CFAP44: variants seen among roughly 807,000 people sequenced by gnomAD.
CFAP44 encodes the protein cilia- and flagella-associated protein 44.
In CFAP44, 134 loss-of-function variants were observed where a neutral mutation model predicts 216.2. That is an observed-to-expected ratio of 0.62 (90% CI 0.54 to 0.72). The LOEUF is 0.72. Ranked by LOEUF, CFAP44 falls within the 30% of genes least tolerant of loss-of-function variation. The probability of loss-of-function intolerance (pLI) is 0.00; values close to 1 mark genes in which losing one functional copy is unlikely to be tolerated. For synonymous variants in CFAP44, 700 were observed against 727.6 expected (o/e 0.96, Z 0.61); for missense variants, 2,035 against 2,182.1 (o/e 0.93, Z 1.34).
chr3:113,304,948 C>T, intron 31 of CFAP44, 88 bp downstream of exon 31: 1 of 1,163,886 alleles, frequency 8.6e-7, no homozygotes, highest in Non-Finnish European at 1.2e-6. Context: ...CGATTCTCCC[C>T]ATTAGTGAAC....
At chr3:113,295,341 C>A (rs1421448492) in intron 33 of CFAP44, among the ~76,000 whole-genome samples, 1 of 152,234 alleles carries the variant, frequency 6.6e-6, no homozygotes, top group Non-Finnish European at 1.5e-5. Flanking sequence ...GCTGGGACTA[C>A]TGGTGTGCAA....
chr3:113,399,837 C>A, intron 13 of CFAP44, 69 bp downstream of exon 13: 1 of 1,053,368 alleles, frequency 9.5e-7, no homozygotes, highest in South Asian at 2.5e-5. Flanking sequence ...ATCTATATTT[C>A]CAGAAAATAG....
intron 4 of CFAP44, among the ~76,000 whole-genome samples, chr3:113,422,496 G>T (rs940481018): frequency 6.6e-6 from 1 of 151,950 alleles, no homozygotes; most frequent in African/African-American, 2.4e-5. Flanking sequence ...AGCATTTCAG[G>T]GTACTGGATC....
chr3:113,376,090 T>A (rs1040991817), intron 17 of CFAP44, among the ~76,000 whole-genome samples: 1 of 152,192 alleles, frequency 6.6e-6, no homozygotes, highest in Non-Finnish European at 1.5e-5. Flanking sequence ...AATATAATCC[T>A]ATAGGATTCT....
intron 24 of CFAP44, among the ~76,000 whole-genome samples, chr3:113,334,504 C>A (rs1253338569): frequency 6.6e-6 from 1 of 151,984 alleles, no homozygotes; most frequent in African/African-American, 2.4e-5. Context: ...ATGAATAAAC[C>A]AGACCAAACT....
intron 28 of CFAP44, among the ~76,000 whole-genome samples, chr3:113,315,629 CA>C (rs1237858664): frequency 1.3e-5 from 2 of 152,158 alleles, no homozygotes; most frequent in African/African-American, 2.4e-5. Flanking sequence ...GCAGAATATA[CA>C]GACAGTTTCT....
chr3:113,437,100 T>G (rs1308056588), intron 1 of CFAP44, among the ~76,000 whole-genome samples: 1 of 152,204 alleles, frequency 6.6e-6, no homozygotes, highest in Non-Finnish European at 1.5e-5. Flanking sequence ...GCTTTCTTGC[T>G]GGCTGTTGCC....
Position 113,439,505 on chromosome 3 carries a change from T to C in CFAP44, c.-6+1948A>G, listed in dbSNP as rs6780380. On this transcript the variant is annotated intron_variant, in intron 1 of 34. Transcript: ENST00000393845. Reference sequence around the variant, plus strand: ...TAATTATCTCAAAATAATTATGTAGTCTTTTTCATTATTCCTTTAAAACCC... The same window carrying C: ...TAATTATCTCAAAATAATTATGTAGCCTTTTTCATTATTCCTTTAAAACCC... Among the ~76,000 whole-genome samples, 1,190 of 152,332 alleles carry C rather than the reference T, an allele frequency of 7.8e-3. 17 individuals carry two copies. The highest frequency in any genetic ancestry group is 0.027 in the African/African-American group (1,130 of 41,558).
chr3:113,312,862 T>C (rs952515220), intron 28 of CFAP44, among the ~76,000 whole-genome samples: 6 of 152,130 alleles, frequency 3.9e-5, no homozygotes, highest in Non-Finnish European at 8.8e-5. Flanking sequence ...AACCTCCGCC[T>C]AGATTTCAGA....
At chr3:113,303,204 T>C (rs776821235) in intron 32 of CFAP44, among the ~76,000 whole-genome samples, 2 of 152,148 alleles carry the variant, frequency 1.3e-5, no homozygotes, top group Non-Finnish European at 2.9e-5. Context: ...AATGTACATA[T>C]CCCTCTGTAA....
At chr3:113,386,907 C>T (rs926544822) in intron 15 of CFAP44, among the ~76,000 whole-genome samples, 2 of 152,170 alleles carry the variant, frequency 1.3e-5, no homozygotes, top group African/African-American at 2.4e-5. Flanking sequence ...AACTGTGAGA[C>T]TGCATCAGAA....
At chr3:113,376,110 A>G (rs1334804559) in intron 17 of CFAP44, among the ~76,000 whole-genome samples, 1 of 152,198 alleles carries the variant, frequency 6.6e-6, no homozygotes, top group East Asian at 1.9e-4. Flanking sequence ...TTTTAAGCCT[A>G]ACCATATACT....
chr3:113,348,764 C>T (rs1043672290), intron 22 of CFAP44, among the ~76,000 whole-genome samples: 6 of 152,162 alleles, frequency 3.9e-5, no homozygotes, highest in Non-Finnish European at 7.3e-5. Flanking sequence ...CCTTCTTCCT[C>T]TCTGATTTAA....
chr3:113,363,944 C>G (rs2107315313), intron 19 of CFAP44, among the ~76,000 whole-genome samples: 1 of 152,130 alleles, frequency 6.6e-6, no homozygotes, highest in East Asian at 1.9e-4. Flanking sequence ...TCAGTGTGTC[C>G]TAGAAATATT....
At chr3:113,366,418 A>C in intron 18 of CFAP44, 109 bp from the exon 19 acceptor site, 2 of 1,305,986 alleles carry the variant, frequency 1.5e-6, no homozygotes, top group Non-Finnish European at 2.1e-6. Flanking sequence ...TATGGACTGA[A>C]TTGTACACCC....
At chr3:113,293,640 A>C (rs760736275) in intron 34 of CFAP44, among the ~76,000 whole-genome samples, 8 of 152,224 alleles carry the variant, frequency 5.3e-5, no homozygotes, top group Non-Finnish European at 1.2e-4. Context: ...GATTTGGGTT[A>C]GGTATTAACC....
chr3:113,430,512 A>C (rs1935080652), intron 2 of CFAP44, among the ~76,000 whole-genome samples: 1 of 151,906 alleles, frequency 6.6e-6, no homozygotes. Context: ...GCTCCTAGCT[A>C]CACCAATGAA....
chr3:113,297,341 G>T lies in CFAP44; in HGVS notation c.5078-456C>A, dbSNP rs1451990869. On this transcript the variant is annotated intron_variant, in intron 32 of 34. Coordinates refer to ENST00000393845, the MANE Select transcript of CFAP44 (RefSeq NM_001164496.2). ...CCTGCCTACCCTGCTTTCTCTCCCCGCTGCTTTCTCATGCCTCTCCTCCTT... is the reference window on the plus strand; with the variant it reads ...CCTGCCTACCCTGCTTTCTCTCCCCTCTGCTTTCTCATGCCTCTCCTCCTT... Among the ~76,000 whole-genome samples, 7 of 152,064 alleles carry T rather than the reference G, an allele frequency of 4.6e-5. No homozygotes were observed. In the South Asian group the frequency reaches 1.5e-3, roughly 32 times the overall value.
chr3:113,362,984 T>C (rs1950555447), intron 21 of CFAP44, 161 bp downstream of exon 21: 2 of 1,375,064 alleles, frequency 1.5e-6, no homozygotes. Flanking sequence ...AAACCCCACA[T>C]ACAAATTAAA....
Sources: allele counts gnomAD v4.1 joint callset (sites outside exome capture counted in the v4.1 genomes callset), GRCh38; gene constraint gnomAD v4.1.1; transcripts MANE v1.5; gene names NCBI Gene and HGNC (gene_info 2026-07-23, HGNC 2026-07-21).